Variants in XRCC1 observed in about 807,000 individuals in gnomAD.
XRCC1 encodes the protein X-ray repair cross complementing 1, also known as DNA repair protein XRCC1.
A neutral mutation model predicts 83.3 loss-of-function variants in XRCC1; 52 were observed. That is an observed-to-expected ratio of 0.62 (90% CI 0.50 to 0.79). The LOEUF (loss-of-function observed/expected upper bound fraction) is 0.79. Among genes scored for constraint, XRCC1 ranks in the 30% least tolerant of loss-of-function variants. The probability of loss-of-function intolerance (pLI) is 0.00; values close to 1 mark genes in which losing one functional copy is unlikely to be tolerated. For synonymous variants in XRCC1, 281 were observed against 312.6 expected (o/e 0.90, Z 1.07); for missense variants, 793 against 823.5 (o/e 0.96, Z 0.45).
intron 2 of XRCC1, among the ~76,000 whole-genome samples, chr19:43,563,002 C>A (rs1449606754): frequency 6.6e-6 from 1 of 152,228 alleles, no homozygotes; most frequent in Admixed American, 6.5e-5. Context: ...GGACCGGAAC[C>A]CAGGCAGGCT....
chr19:43,553,757 A>C, intron 4 of XRCC1, 74 bp from the exon 5 acceptor site: 2 of 1,284,614 alleles, frequency 1.6e-6, no homozygotes, highest in Non-Finnish European at 2.1e-6. Flanking sequence ...CTTTTCACTC[A>C]GGGAAACCTC....
intron 2 of XRCC1, among the ~76,000 whole-genome samples, chr19:43,566,930 T>C (rs1423395722): frequency 6.9e-6 from 1 of 145,324 alleles, no homozygotes; most frequent in African/African-American, 2.6e-5. Flanking sequence ...ACCCAATAAA[T>C]GTCCATCAGT....
chr19:43,556,942 T>C (rs1972642675), intron 3 of XRCC1, among the ~76,000 whole-genome samples: 1 of 151,330 alleles, frequency 6.6e-6, no homozygotes, highest in Non-Finnish European at 1.5e-5. Flanking sequence ...GAGTTGGAGG[T>C]GATGGTGAGC....
intron 2 of XRCC1, 158 bp downstream of exon 2, chr19:43,574,752 G>C (rs1268599468): frequency 1.6e-6 from 1 of 633,784 alleles, no homozygotes; most frequent in African/African-American, 1.8e-5. Context: ...TTTCCTCTCT[G>C]CTGAGGGGCA....
intron 8 of XRCC1, among the ~76,000 whole-genome samples, chr19:43,552,549 C>A (rs1304785277): frequency 6.7e-6 from 1 of 148,454 alleles, no homozygotes; most frequent in Non-Finnish European, 1.5e-5. Context: ...AGGCCCCCAA[C>A]CCCTCCTCTC....
In XRCC1 at chr19:43,554,650, C is replaced by T. The variant is rs762135226; in HGVS notation, c.410G>A (p.Ser137Asn). The T allele has an allele frequency of 1.9e-5, 31 of 1,611,446 alleles. No homozygotes were observed. Among genetic ancestry groups the T allele is most frequent in the Non-Finnish European group, 2.5e-5 (30 of 1,178,512 alleles). ...RVKIVCSQPY[S>N]KDSPFGLSFV... The stretch of plus-strand genomic sequence containing the variant: ...CCTGGCTCCCACCCTAGGTACCTTG[C>T]TGTAGGGCTGGCTGCAAACAATTTT... The change falls in exon 4 of 17, where the codon AGC becomes AAC. Residue 137 changes from serine (S) to asparagine (N), a missense_variant. Physicochemically the swap from Ser to Asn is conservative, Grantham distance 46 (BLOSUM62 1). Coordinates refer to ENST00000262887, the MANE Select transcript of XRCC1 (RefSeq NM_006297.3).
chr19:43,555,294 T>C (rs1475182060), intron 3 of XRCC1: 1 of 152,430 alleles, frequency 6.6e-6, no homozygotes. Flanking sequence ...CTCATCTCTG[T>C]GATCTGGGCC....
chr19:43,569,444 C>G (rs932521721), intron 2 of XRCC1, among the ~76,000 whole-genome samples: 1 of 149,452 alleles, frequency 6.7e-6, no homozygotes, highest in African/African-American at 2.5e-5. Context: ...CCACTGCACT[C>G]CAGCCTGGGC....
intron 3 of XRCC1, 175 bp from the exon 4 acceptor site, chr19:43,554,979 C>CAGGA: frequency 1.7e-6 from 1 of 601,954 alleles, no homozygotes; most frequent in Non-Finnish European, 2.8e-6. Context: ...TCAGTCCTGC[C>CAGGA]CTGACACAGG....
chr19:43,544,331 G>T, intron 14 of XRCC1, 97 bp from the exon 15 acceptor site: 2 of 1,068,738 alleles, frequency 1.9e-6, no homozygotes, highest in Non-Finnish European at 1.4e-6. Flanking sequence ...TGAGGAGAGG[G>T]CTGTCCACAT....
intron 12 of XRCC1, among the ~76,000 whole-genome samples, 175 bp downstream of exon 12, chr19:43,546,420 C>A (rs572775534): frequency 6.8e-6 from 1 of 146,090 alleles, no homozygotes; most frequent in Admixed American, 6.8e-5. Flanking sequence ...GGAGTCCAGG[C>A]CCCCAGCCCC....
chr19:43,554,838 G>A (rs750020128), intron 3 of XRCC1, 34 bp from the exon 4 acceptor site: 1 of 1,593,104 alleles, frequency 6.3e-7, no homozygotes, highest in East Asian at 2.3e-5. Flanking sequence ...ATGAGAACCA[G>A]GGCAGGTTGG....
intron 3 of XRCC1, among the ~76,000 whole-genome samples, chr19:43,556,541 C>T (rs1002956259): frequency 3.9e-5 from 6 of 152,170 alleles, no homozygotes; most frequent in Non-Finnish European, 7.4e-5. Context: ...CGGTGGCTCA[C>T]GCCTGTAATC....
At chr19:43,550,284 TAA>T (rs34450115) in intron 10 of XRCC1, among the ~76,000 whole-genome samples, 40 of 148,752 alleles carry the variant, frequency 2.7e-4, no homozygotes, top group East Asian at 1.6e-3. Flanking sequence ...CTTAAGGGGA[TAA>T]AAAAAAAAAA....
chr19:43,551,873 G>A, intron 9 of XRCC1, 144 bp downstream of exon 9: 2 of 1,097,246 alleles, frequency 1.8e-6, no homozygotes, highest in South Asian at 1.4e-5. Context: ...GAAGACAAAG[G>A]CTACAGAATG....
In XRCC1 at chr19:43,560,998, T is replaced by G. The variant is rs749444876; in HGVS notation, c.167A>C (p.His56Pro). The change falls in exon 3 of 17, where the codon CAC becomes CCC. Residue 56 changes from histidine (H) to proline (P), a missense_variant. Transcript: ENST00000262887. ...GCCATCATTCCCAATGTCCACACTG[T>G]GTATCTGCTCCTCCTTCTCCAACTG... ...VLQLEKEEQIHSVDIGNDGSA... is the reference protein window; with the variant it reads ...VLQLEKEEQIPSVDIGNDGSA... The G allele has an allele frequency of 5.6e-6, 9 of 1,614,148 alleles. No homozygotes were observed. The highest frequency in any genetic ancestry group is 7.6e-6 in the Non-Finnish European group (9 of 1,180,008).
chr19:43,544,404 A>G (rs1354175925), intron 14 of XRCC1, among the ~76,000 whole-genome samples, 170 bp from the exon 15 acceptor site: 1 of 151,918 alleles, frequency 6.6e-6, no homozygotes, highest in East Asian at 1.9e-4. Context: ...CCTCCTGGGG[A>G]GGTAGGTTGG....
chr19:43,568,852 TG>T (rs1046854437), intron 2 of XRCC1, among the ~76,000 whole-genome samples: 3 of 151,340 alleles, frequency 2.0e-5, no homozygotes, highest in Non-Finnish European at 4.4e-5. Flanking sequence ...TTTTGAATTT[TG>T]CACTATATGC....
chr19:43,564,844 A>G (rs577350094), intron 2 of XRCC1, among the ~76,000 whole-genome samples: 1 of 152,096 alleles, frequency 6.6e-6, no homozygotes, highest in Non-Finnish European at 1.5e-5. Flanking sequence ...GGAGGTCAAA[A>G]GTCTGAAACT....
Sources: gnomAD v4.1 joint callset for allele counts (sites outside exome capture counted in the v4.1 genomes callset) on GRCh38, gnomAD v4.1.1 for gene constraint, MANE v1.5 for transcripts, NCBI Gene and HGNC (gene_info 2026-07-23, HGNC 2026-07-21) for gene names.